Variants in PPP1R12B observed in about 807,000 individuals in gnomAD.
PPP1R12B encodes the protein myosin phosphatase target subunit 2.
PPP1R12B carries 76 observed loss-of-function variants against 126.1 expected under a neutral mutation model. That is an observed-to-expected ratio of 0.60 (90% CI 0.50 to 0.73). PPP1R12B has a LOEUF of 0.73. PPP1R12B is among the 30% of genes least tolerant of loss of function. PPP1R12B has a pLI of 0.00. For synonymous variants in PPP1R12B, 356 were observed against 434.7 expected, an observed-to-expected ratio of 0.82 and a Z score of 2.25; for missense variants, 1,052 against 1,205.1, an observed-to-expected ratio of 0.87 and a Z score of 1.88.
intron 18 of PPP1R12B, among the ~76,000 whole-genome samples, chr1:202,503,221 A>G (rs913718523): frequency 2.0e-5 from 3 of 152,192 alleles, no homozygotes; most frequent in African/African-American, 7.2e-5. Context: ...GTTAGAACCA[A>G]TGAGATTTGC....
intron 1 of PPP1R12B, among the ~76,000 whole-genome samples, chr1:202,405,853 T>C (rs1265498068): frequency 6.6e-6 from 1 of 152,238 alleles, no homozygotes; most frequent in African/African-American, 2.4e-5. Context: ...ATAAGTGTTA[T>C]GGACTAATAA....
At chr1:202,559,125 T>G (rs1247415917) in intron 19 of PPP1R12B, among the ~76,000 whole-genome samples, 2 of 152,234 alleles carry the variant, frequency 1.3e-5, no homozygotes, top group Non-Finnish European at 1.5e-5. Context: ...CAGTTCACCT[T>G]GTAGACTTCC....
intron 18 of PPP1R12B, among the ~76,000 whole-genome samples, chr1:202,537,778 C>T (rs1252032521): frequency 6.6e-6 from 1 of 152,098 alleles, no homozygotes; most frequent in Non-Finnish European, 1.5e-5. Context: ...GACTTTCATT[C>T]AACATATCAA....
intron 1 of PPP1R12B, among the ~76,000 whole-genome samples, chr1:202,390,129 C>T (rs553956093): frequency 9.9e-5 from 15 of 152,102 alleles, no homozygotes; most frequent in Admixed American, 2.0e-4. Context: ...TGTAGAAATC[C>T]GTGCAACTAT....
chr1:202,408,838 TC>T (rs1666986037), intron 1 of PPP1R12B, among the ~76,000 whole-genome samples: 1 of 140,162 alleles, frequency 7.1e-6, no homozygotes, highest in Non-Finnish European at 1.5e-5. Context: ...TATTATTATT[TC>T]TTTCTTTTTT....
chr1:202,572,806 C>T (rs1572553045), intron 23 of PPP1R12B, among the ~76,000 whole-genome samples: 1 of 152,202 alleles, frequency 6.6e-6, no homozygotes, highest in East Asian at 1.9e-4. Context: ...AGATTACTAG[C>T]TGACCCTGCT....
chr1:202,350,274 C>T (rs1158503009), intron 1 of PPP1R12B, among the ~76,000 whole-genome samples: 1 of 152,124 alleles, frequency 6.6e-6, no homozygotes, highest in Non-Finnish European at 1.5e-5. Context: ...TATTTCCCCA[C>T]CTGAGGTAGT....
At chr1:202,378,534 C>T (rs1217049192) in intron 1 of PPP1R12B, among the ~76,000 whole-genome samples, 2 of 152,040 alleles carry the variant, frequency 1.3e-5, no homozygotes, top group African/African-American at 4.8e-5. Flanking sequence ...GGTTGGAGTG[C>T]AATGGTGCGT....
At chr1:202,559,017 C>A (rs1687249455) in intron 19 of PPP1R12B, 124 bp downstream of exon 19, 4 of 994,922 alleles carry the variant, frequency 4.0e-6, no homozygotes, top group African/African-American at 3.4e-5. Flanking sequence ...TTTTCATTTC[C>A]ACAGCCACCA....
intron 18 of PPP1R12B, among the ~76,000 whole-genome samples, chr1:202,524,001 C>A (rs888590301): frequency 1.3e-5 from 2 of 152,178 alleles, no homozygotes; most frequent in Admixed American, 6.5e-5. Flanking sequence ...ATGTGAGCTA[C>A]CGTGCCCGGC....
At chr1:202,359,118 T>A (rs1021515836) in intron 1 of PPP1R12B, among the ~76,000 whole-genome samples, 12 of 152,166 alleles carry the variant, frequency 7.9e-5, no homozygotes, top group Admixed American at 7.2e-4. Context: ...ACTGGATTAT[T>A]TTATAGCCAA....
At chr1:202,511,143 A>C (rs1681445403) in intron 18 of PPP1R12B, among the ~76,000 whole-genome samples, 1 of 150,130 alleles carries the variant, frequency 6.7e-6, no homozygotes, top group Non-Finnish European at 1.5e-5. Context: ...TGGTTACATG[A>C]ATAAATTCTT....
At chr1:202,499,536 T>C (rs1268041697) in intron 18 of PPP1R12B, among the ~76,000 whole-genome samples, 2 of 152,360 alleles carry the variant, frequency 1.3e-5, no homozygotes, top group Middle Eastern at 3.4e-3. Flanking sequence ...ATTATAGGCA[T>C]GAGCCACAAT....
rs190650692 is a variant in PPP1R12B at position 202,387,282 on chromosome 1, A to G, written c.292-29505A>G. ...AACAAGACTAACTGCTCCAGAAAAT[A>G]GGCTGGGCTACTACCAGTTATGTAG... On this transcript the variant is annotated intron_variant, in intron 1 of 23. Coordinates refer to ENST00000608999, the MANE Select transcript of PPP1R12B (RefSeq NM_002481.4). 4.2e-4 allele frequency among the ~76,000 whole-genome samples: 64 copies of G among 152,344 alleles called. 1 individual carries two copies. In the East Asian group the frequency reaches 0.011, roughly 27 times the overall value.
intron 23 of PPP1R12B, chr1:202,576,097 G>C (rs566496721): frequency 6.6e-6 from 1 of 152,302 alleles, no homozygotes; most frequent in East Asian, 1.9e-4. Flanking sequence ...GGGCTGTGAG[G>C]CAGAACACAG....
At chr1:202,383,254 A>G (rs936318666) in intron 1 of PPP1R12B, among the ~76,000 whole-genome samples, 4 of 152,234 alleles carry the variant, frequency 2.6e-5, no homozygotes, top group African/African-American at 4.8e-5. Context: ...CCAACTTCAT[A>G]TAAGGTTTAT....
At chr1:202,431,265 G>C (rs1014961451) in intron 7 of PPP1R12B, among the ~76,000 whole-genome samples, 1 of 152,054 alleles carries the variant, frequency 6.6e-6, no homozygotes, top group Non-Finnish European at 1.5e-5. Flanking sequence ...TTTTTTCTGT[G>C]TGTTAAGCAG....
At chr1:202,575,467 G>A in intron 23 of PPP1R12B, 2 of 227,064 alleles carry the variant, frequency 8.8e-6, no homozygotes, top group South Asian at 1.3e-4. Context: ...ACGTGTATGT[G>A]CATATACCTG....
chr1:202,485,848 C>T (rs928075967), intron 13 of PPP1R12B, among the ~76,000 whole-genome samples: 29 of 152,284 alleles, frequency 1.9e-4, no homozygotes, highest in African/African-American at 6.3e-4. Context: ...GCTGACATCA[C>T]TCCATCTTAT....
Sources: gnomAD v4.1 joint callset for allele counts (sites outside exome capture counted in the v4.1 genomes callset) on GRCh38, gnomAD v4.1.1 for gene constraint, MANE v1.5 for transcripts, NCBI Gene and HGNC (gene_info 2026-07-23, HGNC 2026-07-21) for gene names.